The following NRG1 variants were observed in gnomAD, a reference collection of about 807,000 sequenced individuals.
NRG1 encodes the protein pro-neuregulin-1, membrane-bound isoform.
In NRG1, 18 loss-of-function variants were observed where a neutral mutation model predicts 63.8. That is an observed-to-expected ratio of 0.28 (90% CI 0.19 to 0.42). The LOEUF (loss-of-function observed/expected upper bound fraction) is 0.42, where lower values mean the gene tolerates loss of function less well. Ranked by LOEUF, NRG1 falls within the 10% of genes least tolerant of loss-of-function variation. The pLI is 1.00. For missense variants in NRG1, 762 were observed against 814.7 expected (o/e 0.94, Z 0.79); for synonymous variants, 302 against 301.3 (o/e 1.00, Z -0.02).
intron 1 of NRG1, among the ~76,000 whole-genome samples, chr8:32,065,932 G>A (rs575503512): frequency 6.6e-6 from 1 of 152,256 alleles, no homozygotes; most frequent in South Asian, 2.1e-4. Context: ...TTCTCTGATG[G>A]CCAGTGATGA....
chr8:32,474,900 C>T (rs575441281), intron 1 of NRG1, among the ~76,000 whole-genome samples: 149 of 152,014 alleles, frequency 9.8e-4, no homozygotes, highest in African/African-American at 3.4e-3. Flanking sequence ...CCTCATTTGT[C>T]GATTTGAGGA....
At chr8:31,798,168 G>A (rs1256619316) in intron 1 of NRG1, among the ~76,000 whole-genome samples, 3 of 152,094 alleles carry the variant, frequency 2.0e-5, no homozygotes, top group Non-Finnish European at 4.4e-5. Flanking sequence ...AATACAGCTG[G>A]AGATGATTTA....
intron 1 of NRG1, among the ~76,000 whole-genome samples, chr8:32,067,192 T>C (rs1458990856): frequency 2.6e-5 from 4 of 152,180 alleles, no homozygotes; most frequent in African/African-American, 7.2e-5. Flanking sequence ...CCTTCTCCTG[T>C]CTGATTGCCC....
chr8:32,463,744 G>A (rs1422518730), intron 1 of NRG1, among the ~76,000 whole-genome samples: 1 of 151,840 alleles, frequency 6.6e-6, no homozygotes, highest in Non-Finnish European at 1.5e-5. Context: ...AGGAGGCTGA[G>A]GTGTAAGGAT....
intron 5 of NRG1, among the ~76,000 whole-genome samples, chr8:32,651,945 G>A (rs1184783787): frequency 6.6e-6 from 1 of 152,094 alleles, no homozygotes; most frequent in Admixed American, 6.5e-5. Flanking sequence ...TCTTCTATTG[G>A]AACTGAATAA....
intron 1 of NRG1, among the ~76,000 whole-genome samples, chr8:32,140,764 T>C (rs183376147): frequency 1.5e-3 from 231 of 152,156 alleles, no homozygotes; most frequent in African/African-American, 5.4e-3. Flanking sequence ...ATGTACCTGG[T>C]TTCTCTCTTC....
chr8:32,656,134 A>G (rs573888891), intron 5 of NRG1, among the ~76,000 whole-genome samples: 1 of 152,168 alleles, frequency 6.6e-6, no homozygotes, highest in African/African-American at 2.4e-5. Flanking sequence ...ATGTGTATCT[A>G]TGTGTGTATA....
At chr8:32,746,085 A>G (rs1249886349) in intron 7 of NRG1, among the ~76,000 whole-genome samples, 1 of 152,164 alleles carries the variant, frequency 6.6e-6, no homozygotes. Flanking sequence ...CAAAATTGCC[A>G]TAAATTCCAG....
chr8:31,800,773 A>G (rs1031465597), intron 1 of NRG1, among the ~76,000 whole-genome samples: 14 of 150,780 alleles, frequency 9.3e-5, no homozygotes, highest in Non-Finnish European at 4.4e-5. Flanking sequence ...GAATTTAAAC[A>G]TTTTGTCACT....
chr8:32,704,520 C>T (rs1815822695), intron 5 of NRG1, among the ~76,000 whole-genome samples: 1 of 152,040 alleles, frequency 6.6e-6, no homozygotes, highest in Non-Finnish European at 1.5e-5. Context: ...AATGGAACAA[C>T]CGTAAGATAA....
chr8:32,642,044 G>T (rs935963464), intron 5 of NRG1, among the ~76,000 whole-genome samples: 27 of 152,032 alleles, frequency 1.8e-4, no homozygotes, highest in African/African-American at 6.0e-4. Flanking sequence ...GTTGAGTTTC[G>T]CTAGATCAGG....
chr8:32,103,169 C>T (rs1830791632), intron 1 of NRG1, among the ~76,000 whole-genome samples: 1 of 152,096 alleles, frequency 6.6e-6, no homozygotes, highest in African/African-American at 2.4e-5. Context: ...CCATCTCTAC[C>T]TCTCCCTGAT....
intron 1 of NRG1, among the ~76,000 whole-genome samples, chr8:31,760,339 T>C (rs1489201777): frequency 6.6e-6 from 1 of 152,158 alleles, no homozygotes; most frequent in Non-Finnish European, 1.5e-5. Flanking sequence ...TTCTCAGGTT[T>C]GTCGAAGATC....
exon 12 of NRG1, chr8:32,763,800 A>G: frequency 1.3e-6 from 2 of 1,587,440 alleles, no homozygotes; most frequent in Non-Finnish European, 1.7e-6. Context: ...AGATTTCCAC[A>G]CGCCAAGCTC....
intron 1 of NRG1, among the ~76,000 whole-genome samples, chr8:32,526,766 G>A (rs1206551448): frequency 6.6e-6 from 1 of 152,100 alleles, no homozygotes; most frequent in Non-Finnish European, 1.5e-5. Flanking sequence ...TCTTCCTGAG[G>A]CATTTTATTT....
At chr8:32,578,585 C>A (rs1336840144) in intron 1 of NRG1, among the ~76,000 whole-genome samples, 2 of 149,742 alleles carry the variant, frequency 1.3e-5, no homozygotes, top group African/African-American at 4.9e-5. Flanking sequence ...TTTTTTTTCA[C>A]CACAGTGCTG....
At chr8:31,707,847 C>T (rs1052058809) in intron 1 of NRG1, among the ~76,000 whole-genome samples, 1 of 152,100 alleles carries the variant, frequency 6.6e-6, no homozygotes, top group Non-Finnish European at 1.5e-5. Context: ...ATAATCATAG[C>T]TTCTGTAGTA....
chr8:32,086,997 G>A (rs1011419434), intron 1 of NRG1, among the ~76,000 whole-genome samples: 9 of 152,108 alleles, frequency 5.9e-5, no homozygotes, highest in African/African-American at 1.4e-4. Flanking sequence ...AGCATCTGAC[G>A]TAACTGAAAC....
At chr8:32,115,455 CA>C (rs1334527201) in intron 1 of NRG1, among the ~76,000 whole-genome samples, 5 of 151,734 alleles carry the variant, frequency 3.3e-5, no homozygotes, top group Middle Eastern at 3.4e-3. Flanking sequence ...AAGAAAATCA[CA>C]AAAAAAGAGA....
Sources: allele counts gnomAD v4.1 joint callset (sites outside exome capture counted in the v4.1 genomes callset), GRCh38; gene constraint gnomAD v4.1.1; transcripts MANE v1.5; gene names NCBI Gene and HGNC (gene_info 2026-07-23, HGNC 2026-07-21).